HUNK: variants seen among roughly 807,000 people sequenced by gnomAD.
HUNK encodes hormonally up-regulated neu tumor-associated kinase.
Under a neutral mutation model 61.0 loss-of-function variants are expected in HUNK, and 21 were observed. The ratio of observed to expected loss-of-function variants is 0.34; its 90% confidence interval spans 0.24 to 0.50. HUNK has a LOEUF of 0.50. Among genes scored for constraint, HUNK ranks in the 20% least tolerant of loss-of-function variants. The pLI is 0.98. For missense variants in HUNK, 772 were observed against 945.7 expected, an observed-to-expected ratio of 0.82 and a Z score of 2.41; for synonymous variants, 371 against 386.1, an observed-to-expected ratio of 0.96 and a Z score of 0.46.
chr21:31,876,495 A>T (rs2052263251), intron 1 of HUNK, among the ~76,000 whole-genome samples: 1 of 152,222 alleles, frequency 6.6e-6, no homozygotes, highest in African/African-American at 2.4e-5. Context: ...TGACTCTGAG[A>T]AAGATTGCTA....
At chr21:31,965,295 T>G (rs2052956048) in intron 5 of HUNK, among the ~76,000 whole-genome samples, 1 of 150,746 alleles carries the variant, frequency 6.6e-6, no homozygotes, top group African/African-American at 2.4e-5. Flanking sequence ...TGGGGCCCAC[T>G]TGAGGGTGGA....
chr21:31,895,104 A>G (rs778173283), intron 1 of HUNK, among the ~76,000 whole-genome samples: 18 of 152,242 alleles, frequency 1.2e-4, no homozygotes, highest in African/African-American at 4.3e-4. Context: ...TGTAAGAGAA[A>G]GAGAAGCAAG....
At chr21:31,900,558 G>C (rs1338297775) in intron 1 of HUNK, among the ~76,000 whole-genome samples, 1 of 151,968 alleles carries the variant, frequency 6.6e-6, no homozygotes, top group Non-Finnish European at 1.5e-5. Context: ...TCTCCATGTG[G>C]AAGCTCTGGC....
intron 6 of HUNK, among the ~76,000 whole-genome samples, chr21:31,971,844 T>TA (rs1156895923): frequency 6.6e-6 from 1 of 151,668 alleles, no homozygotes; most frequent in Non-Finnish European, 1.5e-5. Flanking sequence ...TTTTTTTTTT[T>TA]TTTGAGACAA....
intron 9 of HUNK, among the ~76,000 whole-genome samples, chr21:31,992,182 G>T (rs986772206): frequency 1.3e-5 from 2 of 152,190 alleles, no homozygotes; most frequent in Non-Finnish European, 2.9e-5. Context: ...GAAGCCTGGG[G>T]TCATTCTTCA....
intron 4 of HUNK, among the ~76,000 whole-genome samples, chr21:31,947,138 A>G (rs887285225): frequency 6.8e-6 from 1 of 147,174 alleles, no homozygotes; most frequent in African/African-American, 2.6e-5. Context: ...GCCCATTCTC[A>G]AGCCATTGGC....
rs115051260 is a variant in HUNK, at chr21:31,969,671, A to G, written c.1010+1286A>G. ...AGCCTCCACCTCCTGAGCTCAAGGG[A>G]GTCTCCCACCTCAGCCTCCTGAGTA... is the stretch of plus-strand genomic sequence containing the variant. On this transcript the variant is annotated intron_variant, in intron 6 of 10. Transcript: ENST00000270112. Among the ~76,000 whole-genome samples the G allele has an allele frequency of 4.1e-3, 615 of 149,844 alleles. 1 individual carries two copies. Among genetic ancestry groups the G allele is most frequent in the African/African-American group, 0.015 (597 of 40,648 alleles).
chr21:31,898,852 C>T (rs895631924), intron 1 of HUNK, among the ~76,000 whole-genome samples: 1 of 152,136 alleles, frequency 6.6e-6, no homozygotes, highest in Non-Finnish European at 1.5e-5. Flanking sequence ...GATATGAAAG[C>T]AAAGCTTTTA....
intron 1 of HUNK, among the ~76,000 whole-genome samples, chr21:31,900,446 A>AACACACACTCAC (rs2052456863): frequency 7.0e-6 from 1 of 143,024 alleles, no homozygotes; most frequent in East Asian, 2.1e-4. Flanking sequence ...TAGTTACTGA[A>AACACACACTCAC]ACACACACAC....
chr21:31,980,853 C>A, intron 7 of HUNK, among the ~76,000 whole-genome samples: 1 of 152,050 alleles, frequency 6.6e-6, no homozygotes, highest in Non-Finnish European at 1.5e-5. Context: ...TATAGGCATG[C>A]GCCACCATGC....
At chr21:31,955,507 C>T (rs1366849080) in intron 4 of HUNK, among the ~76,000 whole-genome samples, 1 of 151,696 alleles carries the variant, frequency 6.6e-6, no homozygotes, top group Non-Finnish European at 1.5e-5. Context: ...AGGAGAATGG[C>T]GTGAACCCGG....
At chr21:31,948,385 TGCAGGTTCCTCTGG>T (rs1275306183) in intron 4 of HUNK, among the ~76,000 whole-genome samples, 1 of 152,152 alleles carries the variant, frequency 6.6e-6, no homozygotes, top group Non-Finnish European at 1.5e-5. Context: ...TGTTGTTGGG[TGCAGGTTCCTCTGG>T]GCAGCCCTCT....
At position 31,999,000 on chromosome 21, in the gene HUNK, C is replaced by G; in HGVS notation, c.1961C>G (p.Pro654Arg). ...SNGPMQPLGS[P>R]NCVKSRGRFP... ...GGCCCCATGCAGCCTCTGGGGAGCC[C>G]CAATTGTGTGAAAAGCCGAGGCCGG... The change falls in exon 11 of 11, where the codon CCC becomes CGC. Residue 654 changes from proline to arginine, a missense_variant. Coordinates refer to ENST00000270112, the MANE Select transcript of HUNK (RefSeq NM_014586.2). 6.2e-7 allele frequency: 1 copy of G among 1,614,176 alleles called. No homozygotes were observed. The highest frequency in any genetic ancestry group is 8.5e-7 in the Non-Finnish European group (1 of 1,180,030).
At chr21:31,933,163 G>C (rs962256046) in intron 2 of HUNK, among the ~76,000 whole-genome samples, 5 of 151,628 alleles carry the variant, frequency 3.3e-5, no homozygotes, top group Admixed American at 6.6e-5. Context: ...TGATCCACCT[G>C]CCTCAGCTTC....
intron 5 of HUNK, among the ~76,000 whole-genome samples, chr21:31,960,572 A>G (rs1471574486): frequency 1.3e-5 from 2 of 152,090 alleles, no homozygotes; most frequent in African/African-American, 2.4e-5. Flanking sequence ...GAGGTTTAAT[A>G]GACTCACAGT....
At chr21:31,901,502 G>A (rs1263221808) in intron 1 of HUNK, among the ~76,000 whole-genome samples, 1 of 152,208 alleles carries the variant, frequency 6.6e-6, no homozygotes, top group Non-Finnish European at 1.5e-5. Flanking sequence ...CAGGCAGCCT[G>A]TGTCACCTCT....
chr21:31,945,985 A>C, intron 3 of HUNK, 51 bp from the exon 4 acceptor site: 1 of 1,543,432 alleles, frequency 6.5e-7, no homozygotes, highest in Non-Finnish European at 8.8e-7. Flanking sequence ...CTCCCTCTTC[A>C]TTTCCGCAGT....
chr21:31,972,907 T>C (rs2053021779), intron 6 of HUNK, among the ~76,000 whole-genome samples: 1 of 152,090 alleles, frequency 6.6e-6, no homozygotes. Context: ...GAGACCTCGT[T>C]CTGCTCTCGG....
intron 4 of HUNK, among the ~76,000 whole-genome samples, chr21:31,957,238 G>A (rs2052895698): frequency 6.6e-6 from 1 of 152,158 alleles, no homozygotes; most frequent in Admixed American, 6.5e-5. Context: ...ACCCAAGAGG[G>A]CAGGTCTTTC....
Sources: allele counts gnomAD v4.1 joint callset (sites outside exome capture counted in the v4.1 genomes callset), GRCh38; gene constraint gnomAD v4.1.1; transcripts MANE v1.5; gene names NCBI Gene and HGNC (gene_info 2026-07-23, HGNC 2026-07-21).